The following RBAK variants were observed in gnomAD, a reference collection of about 807,000 sequenced individuals.
RBAK encodes the protein RB-associated KRAB zinc finger protein.
A neutral mutation model predicts 65.8 loss-of-function variants in RBAK; 39 were observed. That is an observed-to-expected ratio of 0.59 (90% CI 0.46 to 0.77). RBAK has a LOEUF of 0.77. Among genes scored for constraint, RBAK ranks in the 30% least tolerant of loss-of-function variants. RBAK has a pLI of 0.00. For synonymous variants in RBAK, 343 were observed against 289.7 expected (o/e 1.18, Z -1.87); for missense variants, 884 against 855.1 (o/e 1.03, Z -0.42).
At chr7:5,054,992 G>A (rs1371763507) in intron 2 of RBAK, among the ~76,000 whole-genome samples, 1 of 151,994 alleles carries the variant, frequency 6.6e-6, no homozygotes, top group Non-Finnish European at 1.5e-5. Context: ...ATGTTGACCA[G>A]GCTGGTCTTG....
In RBAK at chr7:5,064,563, A is replaced by T. The variant is rs993741163; in HGVS notation, c.1107A>T (p.Gly369=). The T allele has an allele frequency of 6.2e-7, 1 of 1,614,032 alleles. No individual in the cohort carries two copies. The highest frequency in any genetic ancestry group is 8.5e-7 in the Non-Finnish European group (1 of 1,179,958). Residue 369 remains glycine, a synonymous_variant, in exon 5 of 5, where the codon GGA becomes GGT. Transcript: ENST00000396912. The surrounding 1 kb of genome is among the most constrained non-coding windows in gnomAD (Gnocchi z 6.3). ...HLTLHQRNHS[G]ERPYPCNECG... ...CCCTGCACCAGAGGAATCATTCAGG[A>T]GAGAGGCCCTATCCATGTAACGAAT...
intron 4 of RBAK, among the ~76,000 whole-genome samples, chr7:5,061,528 C>T (rs536225202): frequency 1.4e-4 from 21 of 148,972 alleles, no homozygotes; most frequent in Non-Finnish European, 2.5e-4. Flanking sequence ...TGAGCTCAGG[C>T]GATCCATCCA....
At position 5,064,266 on chromosome 7, in the gene RBAK, C is replaced by A; in HGVS notation, c.810C>A (p.Phe270Leu). The change falls in exon 5 of 5, where the codon TTC becomes TTA. Residue 270 changes from phenylalanine (F) to leucine (L), a missense_variant. Coordinates refer to ENST00000396912, the MANE Select transcript of RBAK (RefSeq NM_021163.4). This position sits in a 1 kb window ranked among gnomAD's most constrained non-coding sequence, Gnocchi z 6.3. ...PFECSECGKS[F>L]CKKSKFIIHQ... ...AATGCAGTGAATGTGGAAAATCCTT[C>A]TGTAAAAAGTCAAAATTCATCATCC... 6.2e-7 allele frequency: 1 copy of A among 1,614,108 alleles called. No homozygotes were observed. The highest frequency in any genetic ancestry group is 8.5e-7 in the Non-Finnish European group (1 of 1,179,978).
Position 5,067,144 on chromosome 7 carries a change from A to ATTT in RBAK, c.*1544_*1545insTTT. 1 of 152,214 alleles carries ATTT rather than the reference A, an allele frequency of 6.6e-6. No individual in the cohort carries two copies. Among genetic ancestry groups the ATTT allele is most frequent in the Admixed American group, 6.5e-5 (1 of 15,278 alleles). The allele number at this position is 152,214 out of a possible 1,614,324, so 9.4% of individuals were successfully genotyped here. ...CTAAGATTATAAAAATAAGACAAGG[A>ATTT]TATCTGCTGTCAATGATTTTATTCG... On this transcript the variant is annotated 3_prime_UTR_variant, in exon 5 of 5. Transcript: ENST00000396912.
Position 5,057,725 on chromosome 7 carries a change from C to T in RBAK, c.184C>T (p.Gln62Ter). The T allele has an allele frequency of 3.1e-6, 5 of 1,613,826 alleles. No individual in the cohort carries two copies. Among genetic ancestry groups the T allele is most frequent in the Non-Finnish European group, 4.2e-6 (5 of 1,179,816 alleles). ...GCCAAACGTCATCATTAAGTTGGAG[C>T]AGGGAGAGGAGCCGTGGATAATGGG... is the stretch of plus-strand genomic sequence containing the variant. The part of the protein sequence containing the change: ...TKPNVIIKLE[Q>*]GEEPWIMGGE... The change falls in exon 4 of 5, where the codon CAG (glutamine) becomes TAG (stop). Residue 62 changes from glutamine to a stop codon, truncating the protein, a stop_gained. Transcript: ENST00000396912. LOFTEE classifies it high-confidence loss of function.
rs575175014 is a variant in RBAK, at chr7:5,047,512, TGA to T, written c.-44-517_-44-516del. On this transcript the variant is annotated intron_variant, in intron 1 of 4. Coordinates refer to ENST00000396912, the MANE Select transcript of RBAK (RefSeq NM_021163.4). Reference sequence around the variant, plus strand: ...TTTGTAAAAGGAGTCATGTTACCCATGAGAGTCTCACTCATCTGATTACTACC... The same window carrying T: ...TTTGTAAAAGGAGTCATGTTACCCATGAGTCTCACTCATCTGATTACTACC... Among the ~76,000 whole-genome samples the T allele has an allele frequency of 7.2e-5, 11 of 151,876 alleles. No homozygotes were observed. In the East Asian group the frequency reaches 2.1e-3, roughly 29 times the overall value.
At chr7:5,059,316 C>T (rs1011795107) in intron 4 of RBAK, among the ~76,000 whole-genome samples, 3 of 151,602 alleles carry the variant, frequency 2.0e-5, no homozygotes, top group African/African-American at 7.3e-5. Context: ...CTCTCCCTTC[C>T]TTCATTCCTT....
rs772601861 is a variant in RBAK, at chr7:5,057,436, C to G, written c.142+15C>G. Reference sequence around the variant, plus strand: ...AGTTTCTGTGGGTGAGAATAGCTTGCTTTCTGAATGCTCTCAGTTGAATGG... The same window carrying G: ...AGTTTCTGTGGGTGAGAATAGCTTGGTTTCTGAATGCTCTCAGTTGAATGG... On this transcript the variant is annotated intron_variant, in intron 3 of 4. Transcript: ENST00000396912. The G allele has an allele frequency of 6.2e-7, 1 of 1,614,072 alleles. No homozygotes were observed. The highest frequency in any genetic ancestry group is 1.3e-5 in the African/African-American group (1 of 75,008).
chr7:5,052,492 T>C (rs1237093568), intron 2 of RBAK, among the ~76,000 whole-genome samples: 1 of 152,234 alleles, frequency 6.6e-6, no homozygotes, highest in East Asian at 1.9e-4. Context: ...TTCTACTTTA[T>C]ATCTTTTGTT....
At chr7:5,056,229 T>A (rs1788229123) in intron 2 of RBAK, among the ~76,000 whole-genome samples, 1 of 149,320 alleles carries the variant, frequency 6.7e-6, no homozygotes, top group Non-Finnish European at 1.5e-5. Context: ...TGCCTTAGCC[T>A]CCCAAGTAGC....
chr7:5,051,314 A>T (rs529765892), intron 2 of RBAK, among the ~76,000 whole-genome samples: 33 of 152,222 alleles, frequency 2.2e-4, no homozygotes, highest in Admixed American at 2.1e-3. Context: ...TTAATCATTT[A>T]TATGCATATA....
At chr7:5,061,228 A>C (rs1016854213) in intron 4 of RBAK, among the ~76,000 whole-genome samples, 1 of 152,050 alleles carries the variant, frequency 6.6e-6, no homozygotes. Context: ...AGATGAGTGA[A>C]ACTGCATCAC....
At chr7:5,047,572 A>G (rs1222136094) in intron 1 of RBAK, among the ~76,000 whole-genome samples, 1 of 145,180 alleles carries the variant, frequency 6.9e-6, no homozygotes, top group Non-Finnish European at 1.5e-5. Flanking sequence ...TTACAAGTGC[A>G]TGCTTCGCCT....
intron 4 of RBAK, among the ~76,000 whole-genome samples, chr7:5,060,125 GCTT>G (rs1372603828): frequency 6.6e-6 from 1 of 152,168 alleles, no homozygotes; most frequent in Non-Finnish European, 1.5e-5. Context: ...TGTTGCTTGA[GCTT>G]CTTCTACCGA....
intron 4 of RBAK, among the ~76,000 whole-genome samples, chr7:5,059,749 C>T (rs1011132841): frequency 3.3e-5 from 5 of 152,186 alleles, no homozygotes; most frequent in Admixed American, 6.5e-5. Flanking sequence ...TTTTACAGTC[C>T]GATAGGATTA....
intron 2 of RBAK, 27 bp from the exon 3 acceptor site, chr7:5,057,268 C>G (rs754801462): frequency 1.2e-6 from 2 of 1,613,902 alleles, no homozygotes; most frequent in Non-Finnish European, 1.7e-6. Context: ...TCCGTATCTC[C>G]CAATTCTGAT....
At chr7:5,063,651 T>C (rs1444293436) in intron 4 of RBAK, 44 bp from the exon 5 acceptor site, 3 of 1,442,074 alleles carry the variant, frequency 2.1e-6, no homozygotes, top group Non-Finnish European at 2.8e-6. Flanking sequence ...CCATAGCTAG[T>C]GTGTTCAGAT....
At chr7:5,049,505 G>T (rs908625067) in intron 2 of RBAK, among the ~76,000 whole-genome samples, 10 of 152,156 alleles carry the variant, frequency 6.6e-5, no homozygotes, top group African/African-American at 2.2e-4. Context: ...TGCTGAGTCA[G>T]TCTGTAAAGA....
rs764392941 is a variant in RBAK, at chr7:5,057,815, C to T, written c.238+36C>T. The T allele has an allele frequency of 5.0e-6, 8 of 1,611,534 alleles. No individual in the cohort carries two copies. In the African/African-American group the frequency reaches 8.0e-5, roughly 16 times the overall value. On this transcript the variant is annotated intron_variant, in intron 4 of 4. Coordinates refer to ENST00000396912, the MANE Select transcript of RBAK (RefSeq NM_021163.4). ...AGCGTATCAAAGGTTAAAAAATGCT[C>T]ATCCCAGACCTTTGGGAGAGACTAA...
Sources: gnomAD v4.1 joint callset for allele counts (sites outside exome capture counted in the v4.1 genomes callset) on GRCh38, gnomAD v4.1.1 for gene constraint, Gnocchi (gnomAD v3.1) non-coding constraint, MANE v1.5 for transcripts, NCBI Gene and HGNC (gene_info 2026-07-23, HGNC 2026-07-21) for gene names.